BANP: variants seen among roughly 807,000 people sequenced by gnomAD.
The protein encoded by BANP is BTG3 associated nuclear protein.
In BANP, 11 loss-of-function variants were observed where a neutral mutation model predicts 68.1. The observed-to-expected ratio is 0.16, with a 90% confidence interval of 0.10 to 0.27. The LOEUF is 0.27. Among genes scored for constraint, BANP ranks in the 10% least tolerant of loss-of-function variants. The probability of loss-of-function intolerance (pLI) is 1.00; values close to 1 mark genes in which losing one functional copy is unlikely to be tolerated. For missense variants in BANP, 504 were observed against 722.7 expected, an observed-to-expected ratio of 0.70 and a Z score of 3.47; for synonymous variants, 329 against 303.2, an observed-to-expected ratio of 1.09 and a Z score of -0.88.
chr16:87,955,085 G>T (rs1024323981), intron 1 of BANP, among the ~76,000 whole-genome samples: 1 of 152,220 alleles, frequency 6.6e-6, no homozygotes, highest in Non-Finnish European at 1.5e-5. Flanking sequence ...TTGGCTCCTC[G>T]CTGGGTCAGT....
chr16:88,046,737 G>T (rs1245089312), intron 11 of BANP, among the ~76,000 whole-genome samples: 1 of 151,608 alleles, frequency 6.6e-6, no homozygotes, highest in South Asian at 2.1e-4. Flanking sequence ...TAGTAGACAC[G>T]GGGTTTCACC....
chr16:88,050,773 C>G (rs1351612024), intron 11 of BANP, among the ~76,000 whole-genome samples: 1 of 152,136 alleles, frequency 6.6e-6, no homozygotes, highest in African/African-American at 2.4e-5. Flanking sequence ...ACTGCAACCT[C>G]TGCCTCCAGG....
chr16:88,057,694 C>G lies in BANP; in HGVS notation c.1312-7573C>G, dbSNP rs2085447800. Among the ~76,000 whole-genome samples, 1 of 146,786 alleles carries G rather than the reference C, an allele frequency of 6.8e-6. No homozygotes were observed. Among genetic ancestry groups the G allele is most frequent in the South Asian group, 2.1e-4 (1 of 4,742 alleles). On this transcript the variant is annotated intron_variant, in intron 11 of 13. Coordinates refer to ENST00000682872, the MANE Select transcript of BANP (RefSeq NM_001386991.1). This position sits in a 1 kb window ranked among gnomAD's most constrained non-coding sequence, Gnocchi z 4.6. ...ACATCCCAGAAGGGAAGTTGCGGCA[C>G]TGTGCGAGACAGTCTGACTTCTGAC...
chr16:87,995,556 A>G (rs2152514483), intron 4 of BANP, among the ~76,000 whole-genome samples: 1 of 152,386 alleles, frequency 6.6e-6, no homozygotes, highest in East Asian at 1.9e-4. Context: ...TTAGAAAAGT[A>G]GTATCAGCTT....
rs2091710827 is a variant in BANP, at chr16:88,076,921, A to G, written c.*260A>G. 1 of 454,470 alleles carries G rather than the reference A, an allele frequency of 2.2e-6. No homozygotes were observed. Among genetic ancestry groups the G allele is most frequent in the Non-Finnish European group, 3.9e-6 (1 of 256,980 alleles). 28.2% of individuals were successfully genotyped at this position (454,470 alleles called of 1,614,324 possible). On this transcript the variant is annotated 3_prime_UTR_variant, in exon 14 of 14. Transcript: ENST00000682872. ...GGAGGCACGGTGCGGAGAGCGTCGC[A>G]TATGCGCGGGAAATCAAGAACTATG...
rs35251544 is a variant in BANP, at chr16:87,984,364, C to T, written c.362+105C>T. 3.1e-3 allele frequency: 3,892 copies of T among 1,251,576 alleles called. 72 individuals are homozygous for T. In the African/African-American group the frequency reaches 0.038, roughly 12 times the overall value. The allele number at this position is 1,251,576 out of a possible 1,614,324, so 77.5% of individuals were successfully genotyped here. Reference sequence around the variant, plus strand: ...AGTGGCTCAGTTTGCTGGAGATGCGCGGTGTCTGCCTCAGCAGTCTCAGCA... The same window carrying T: ...AGTGGCTCAGTTTGCTGGAGATGCGTGGTGTCTGCCTCAGCAGTCTCAGCA... On this transcript the variant is annotated intron_variant, in intron 4 of 13. Transcript: ENST00000682872.
intron 4 of BANP, among the ~76,000 whole-genome samples, chr16:87,987,490 A>G (rs1380266155): frequency 6.6e-6 from 1 of 152,074 alleles, no homozygotes; most frequent in Non-Finnish European, 1.5e-5. Flanking sequence ...TTGGAAGGCC[A>G]AGATGGAAGG....
intron 1 of BANP, among the ~76,000 whole-genome samples, chr16:87,962,866 A>G (rs1211593410): frequency 5.9e-5 from 9 of 152,148 alleles, no homozygotes; most frequent in Admixed American, 5.9e-4. Context: ...TTTCGGGCAA[A>G]AGAAGTAGGC....
At chr16:88,020,197 C>G (rs1382931517) in intron 7 of BANP, among the ~76,000 whole-genome samples, 1 of 152,216 alleles carries the variant, frequency 6.6e-6, no homozygotes, top group Non-Finnish European at 1.5e-5. Context: ...ATATTTCAGG[C>G]TTTGCAGGCC....
At chr16:88,029,424 A>C (rs2077659424) in intron 8 of BANP, among the ~76,000 whole-genome samples, 1 of 151,586 alleles carries the variant, frequency 6.6e-6, no homozygotes, top group Non-Finnish European at 1.5e-5. Context: ...CCTGGCTAAC[A>C]CGGTGAAACC....
rs11647356 is a variant in BANP, at chr16:88,002,723, A to G, written c.363-1572A>G. Among the ~76,000 whole-genome samples the G allele has an allele frequency of 0.33, 50,670 of 152,080 alleles. 9,764 individuals carry two copies. Among genetic ancestry groups the G allele is most frequent in the Non-Finnish European group, 0.46 (30,968 of 67,958 alleles). On this transcript the variant is annotated intron_variant, in intron 4 of 13. Transcript: ENST00000682872. The surrounding 1 kb of genome is among the most constrained non-coding windows in gnomAD (Gnocchi z 4.6). The stretch of plus-strand genomic sequence containing the variant: ...ACCTTAATAAGGATCTTCAAGGAAA[A>G]AAAAGGTATATTTGGTCAAATGACC...
At chr16:88,022,384 A>G (rs2076194451) in intron 7 of BANP, among the ~76,000 whole-genome samples, 1 of 152,198 alleles carries the variant, frequency 6.6e-6, no homozygotes, top group Non-Finnish European at 1.5e-5. Context: ...GCCGATCCCC[A>G]TGAGACCTCC....
intron 8 of BANP, among the ~76,000 whole-genome samples, chr16:88,028,313 C>G (rs537649801): frequency 2.6e-5 from 4 of 152,344 alleles, no homozygotes; most frequent in East Asian, 1.9e-4. Flanking sequence ...CGAGGGCAGC[C>G]GTGGGCAGGG....
intron 11 of BANP, among the ~76,000 whole-genome samples, chr16:88,059,738 C>T (rs926592563): frequency 6.6e-6 from 1 of 152,200 alleles, no homozygotes; most frequent in Non-Finnish European, 1.5e-5. Context: ...CTACTCCTCG[C>T]GTCCTGTCAG....
At position 88,018,410 on chromosome 16, in the gene BANP, C is replaced by T; in HGVS notation, c.656-18C>T. 1 of 1,604,040 alleles carries T rather than the reference C, an allele frequency of 6.2e-7. No individual in the cohort carries two copies. Among genetic ancestry groups the T allele is most frequent in the East Asian group, 2.2e-5 (1 of 44,680 alleles). On this transcript the variant is annotated intron_variant, in intron 6 of 13. Transcript: ENST00000682872. The surrounding 1 kb of genome is among the most constrained non-coding windows in gnomAD (Gnocchi z 7.7). ...ATTTGAGCCTTGGCCATCTGAGGAC[C>T]TGTCTTCTGTTTTTCAGAGGACTAC...
chr16:88,045,653 T>G (rs905889696), intron 11 of BANP, among the ~76,000 whole-genome samples: 4 of 151,756 alleles, frequency 2.6e-5, no homozygotes, highest in African/African-American at 9.7e-5. Context: ...GTGAGTAAAG[T>G]GGAGAATTGG....
intron 1 of BANP, among the ~76,000 whole-genome samples, chr16:87,972,489 C>A (rs546065194): frequency 4.0e-5 from 6 of 151,786 alleles, no homozygotes; most frequent in Admixed American, 6.6e-5. Flanking sequence ...TCATTGTCTG[C>A]AGTGATGTTA....
chr16:88,067,750 C>A (rs78196042), intron 12 of BANP, among the ~76,000 whole-genome samples: 1,827 of 152,262 alleles, frequency 0.012, 32 homozygotes, highest in African/African-American at 0.041. Context: ...GGTCCTCCAC[C>A]CTTTCACTGA....
chr16:88,061,666 C>A (rs995247528), intron 11 of BANP, among the ~76,000 whole-genome samples: 6 of 112,268 alleles, frequency 5.3e-5, no homozygotes, highest in African/African-American at 1.5e-4. Context: ...CCTCATTTTT[C>A]TTTCTTTTTT....
Sources: allele counts gnomAD v4.1 joint callset (sites outside exome capture counted in the v4.1 genomes callset), GRCh38; gene constraint gnomAD v4.1.1; non-coding constraint Gnocchi (gnomAD v3.1); transcripts MANE v1.5; gene names NCBI Gene and HGNC (gene_info 2026-07-23, HGNC 2026-07-21).